Variants in NICOL1 observed in about 807,000 individuals in gnomAD.
The protein encoded by NICOL1 is NELL2 interacting cell ontogeny regulator 1.
At chr4:2,038,237 G>GTGTATATATATATATA in the NICOL1 span, among the ~76,000 whole-genome samples, 2 of 91,454 alleles carry the variant, frequency 2.2e-5, no homozygotes, top group African/African-American at 3.6e-5. Context: ...TGATCAGTGT[G>GTGTATATATATATATA]TATATATATA....
the NICOL1 span, chr4:2,041,960 G>C: frequency 1.4e-6 from 2 of 1,452,984 alleles, no homozygotes; most frequent in Middle Eastern, 1.9e-4. Flanking sequence ...CGACGACGTC[G>C]GATGGGGAAC....
the NICOL1 span, chr4:2,042,712 C>T: frequency 6.8e-7 from 1 of 1,468,654 alleles, no homozygotes; most frequent in Non-Finnish European, 9.1e-7. Flanking sequence ...GCGCCCCCTC[C>T]ACCCTGACCC....
chr4:2,042,002 TTGCGCGC>T, the NICOL1 span: 1 of 1,469,642 alleles, frequency 6.8e-7, no homozygotes, highest in Non-Finnish European at 8.9e-7. Context: ...CGCATGCGCG[TTGCGCGC>T]CGGACGCGGA....
chr4:2,041,787 C>T, the NICOL1 span: 1 of 492,248 alleles, frequency 2.0e-6, no homozygotes, highest in Non-Finnish European at 3.4e-6. Flanking sequence ...CTGGAGGTCT[C>T]GCCCCGGCGC....
the NICOL1 span, chr4:2,043,931 C>T: frequency 1.3e-6 from 2 of 1,544,024 alleles, no homozygotes; most frequent in Non-Finnish European, 1.7e-6. Flanking sequence ...CACTGAGGAC[C>T]ACGCTGCTCC....
chr4:2,042,150 G>A, the NICOL1 span: 3 of 1,457,664 alleles, frequency 2.1e-6, no homozygotes, highest in East Asian at 5.8e-5. Flanking sequence ...CCCGGAGACC[G>A]GCGGACTGGA....
chr4:2,042,478 G>A, the NICOL1 span: 2 of 419,264 alleles, frequency 4.8e-6, no homozygotes, highest in African/African-American at 4.1e-5. Flanking sequence ...TGCCGTCCCC[G>A]CGCAGAGTAG....
At chr4:2,042,701 T>A in the NICOL1 span, 1,024 of 854,146 alleles carry the variant, frequency 1.2e-3, no homozygotes, top group Non-Finnish European at 1.7e-3. Context: ...TGACCCCCCC[T>A]GCGCCCCCTC....
At chr4:2,042,054 G>C in the NICOL1 span, 1 of 1,476,076 alleles carries the variant, frequency 6.8e-7, no homozygotes, top group Non-Finnish European at 8.9e-7. Flanking sequence ...CTGGTCCCGG[G>C]GTCCCTGAAC....
At chr4:2,042,863 AG>A in the NICOL1 span, 3 of 1,392,620 alleles carry the variant, frequency 2.2e-6, no homozygotes, top group Admixed American at 2.4e-5. Context: ...CGGGCTTCCC[AG>A]GGGGTGGGGA....
At chr4:2,043,843 C>A in the NICOL1 span, 19 of 1,548,008 alleles carry the variant, frequency 1.2e-5, no homozygotes, top group South Asian at 1.6e-4. Flanking sequence ...CACCCTCACC[C>A]CTCTTGTTGC....
the NICOL1 span, among the ~76,000 whole-genome samples, chr4:2,041,041 C>T: frequency 6.0e-5 from 9 of 150,714 alleles, no homozygotes; most frequent in East Asian, 2.0e-4. Flanking sequence ...GCACGGCGAG[C>T]GGGGCGGCCT....
the NICOL1 span, chr4:2,042,443 G>A: frequency 2.3e-6 from 1 of 434,906 alleles, no homozygotes; most frequent in Non-Finnish European, 4.0e-6. Flanking sequence ...CTGGGCGCCC[G>A]GGCCCGCGCC....
the NICOL1 span, among the ~76,000 whole-genome samples, chr4:2,038,015 G>A: frequency 6.6e-6 from 1 of 150,698 alleles, no homozygotes; most frequent in South Asian, 2.1e-4. Flanking sequence ...TTTTGTTATT[G>A]TTCTAATTGT....
the NICOL1 span, among the ~76,000 whole-genome samples, chr4:2,037,912 T>C: frequency 4.0e-5 from 6 of 151,528 alleles, no homozygotes; most frequent in African/African-American, 1.4e-4. Flanking sequence ...ATACATAAGT[T>C]TTCAGCATTT....
the NICOL1 span, among the ~76,000 whole-genome samples, chr4:2,038,250 T>C: frequency 3.3e-5 from 2 of 61,090 alleles, no homozygotes; most frequent in African/African-American, 7.6e-5. Flanking sequence ...TATATATATA[T>C]ATATATATAT....
chr4:2,042,143 G>C, the NICOL1 span: 1 of 1,458,748 alleles, frequency 6.9e-7, no homozygotes, highest in Non-Finnish European at 8.9e-7. Flanking sequence ...CGCTGGGCCC[G>C]GAGACCGGCG....
the NICOL1 span, among the ~76,000 whole-genome samples, chr4:2,039,904 T>G: frequency 5.9e-5 from 9 of 152,052 alleles, no homozygotes; most frequent in Admixed American, 4.6e-4. Flanking sequence ...CAAAAAGATG[T>G]GTTTTATGAG....
chr4:2,041,670 C>G, the NICOL1 span: 2 of 302,336 alleles, frequency 6.6e-6, no homozygotes, highest in Non-Finnish European at 1.2e-5. Context: ...GCGCAGCTCC[C>G]CGCGCCTCGC....
Sources: gnomAD v4.1 joint callset for allele counts (sites outside exome capture counted in the v4.1 genomes callset) on GRCh38, gnomAD v4.1.1 for gene constraint, MANE v1.5 for transcripts, NCBI Gene and HGNC (gene_info 2026-07-23, HGNC 2026-07-21) for gene names.